The following F8 variants were observed in gnomAD, a reference collection of about 807,000 sequenced individuals.
F8 encodes the protein coagulation factor VIII, also known as antihemophilic factor.
A neutral mutation model predicts 140.6 loss-of-function variants in F8; 12 were observed. The observed-to-expected ratio is 0.09, with a 90% CI of 0.05 to 0.14. The LOEUF (loss-of-function observed/expected upper bound fraction) is 0.14. Ranked by LOEUF, F8 falls within the 10% of genes least tolerant of loss-of-function variation. The pLI is 1.00. For missense variants in F8, 1,354 were observed against 1,720.7 expected, an observed-to-expected ratio of 0.79 and a Z score of 3.77; for synonymous variants, 585 against 614.6, an observed-to-expected ratio of 0.95 and a Z score of 0.71.
At chrX:154,998,328 C>T (rs1177358447) in intron 2 of F8, among the ~76,000 whole-genome samples, 1 of 113,189 alleles carries the variant, frequency 8.8e-6, no homozygotes, top group Non-Finnish European at 1.9e-5. Context: ...CCTTCCTCTC[C>T]TAATCTTCCT....
intron 1 of F8, among the ~76,000 whole-genome samples, chrX:155,008,306 C>T (rs1335041399): frequency 3.6e-5 from 4 of 112,257 alleles, no homozygotes; most frequent in Admixed American, 9.3e-5. Flanking sequence ...CAATGAGCCA[C>T]GTGGGGAGTC....
At chrX:154,838,941 C>A (rs1336570942) in intron 25 of F8, among the ~76,000 whole-genome samples, 6 of 79,535 alleles carry the variant, frequency 7.5e-5, no homozygotes, top group Non-Finnish European at 1.2e-4. Context: ...ACCCCCCCAC[C>A]CCCCCAAGAG....
intron 1 of F8, among the ~76,000 whole-genome samples, chrX:155,003,999 G>A (rs2096362): frequency 0.33 from 33,405 of 100,368 alleles, 5,053 homozygotes; most frequent in African/African-American, 0.51. Context: ...ATGCAAACGA[G>A]CAAACAAATA....
chrX:154,908,212 ACT>A (rs1259719342), intron 14 of F8, among the ~76,000 whole-genome samples: 3 of 111,231 alleles, frequency 2.7e-5, no homozygotes, highest in Non-Finnish European at 3.8e-5. Flanking sequence ...TTTTATTGAA[ACT>A]CTACTTCTGT....
At chrX:154,933,309 C>T (rs957604823) in intron 13 of F8, among the ~76,000 whole-genome samples, 1 of 111,350 alleles carries the variant, frequency 9.0e-6, no homozygotes. Flanking sequence ...AATTGTAATT[C>T]CCTTGGAGAC....
intron 22 of F8, among the ~76,000 whole-genome samples, chrX:154,866,848 T>A (rs192182025): frequency 9.3e-6 from 1 of 107,060 alleles, no homozygotes; most frequent in African/African-American, 3.4e-5. Flanking sequence ...AGATAATAAA[T>A]GCTAGAGCAG....
chrX:154,844,665 T>C (rs2072549289), intron 25 of F8, among the ~76,000 whole-genome samples: 1 of 111,934 alleles, frequency 8.9e-6, no homozygotes, highest in Non-Finnish European at 1.9e-5. Context: ...TTGCTGAAGT[T>C]GCTTATCAGC....
chrX:154,980,556 A>G (rs2073512701), intron 6 of F8, among the ~76,000 whole-genome samples: 1 of 111,869 alleles, frequency 8.9e-6, no homozygotes. Context: ...GGCTATTCTT[A>G]TTCTTTGCAG....
Position 154,928,529 on chromosome X carries a change from T to C in F8, c.5219+42A>G, listed in dbSNP as rs782243113. On this transcript the variant is annotated intron_variant, in intron 14 of 25. Transcript: ENST00000360256. ...GGTGTCATCATCTGGTAAAGTCAAATGTCACAAGAGCAGAGCAAAGGAATA... is the reference window on the plus strand; with the variant it reads ...GGTGTCATCATCTGGTAAAGTCAAACGTCACAAGAGCAGAGCAAAGGAATA... 9.9e-6 allele frequency: 11 copies of C among 1,107,101 alleles called. No individual in the cohort carries two copies. The Admixed American group carries it at 2.2e-4, about 22-fold the overall frequency. The allele number at this position is 1,107,101 out of a possible 1,213,427, so 91.2% of individuals were successfully genotyped here.
intron 13 of F8, among the ~76,000 whole-genome samples, chrX:154,938,708 C>A (rs1557279405): frequency 9.1e-6 from 1 of 110,483 alleles, no homozygotes; most frequent in Non-Finnish European, 1.9e-5. Flanking sequence ...GTAAATCCAA[C>A]CAAGGACTTG....
intron 23 of F8, 89 bp from the exon 24 acceptor site, chrX:154,861,955 T>C: frequency 1.1e-6 from 1 of 948,226 alleles, no homozygotes. Flanking sequence ...CTAGGGCTAC[T>C]GTCATCATAA....
At chrX:154,975,907 A>AT (rs1156328226) in intron 6 of F8, among the ~76,000 whole-genome samples, 10 of 109,843 alleles carry the variant, frequency 9.1e-5, no homozygotes, top group Non-Finnish European at 1.9e-4. Flanking sequence ...TTGTTTGTCA[A>AT]TTTTTTTTTG....
At position 154,961,110 on chromosome X, in the gene F8, T is replaced by C. The variant is rs782724205; in HGVS notation, c.1502A>G (p.Asp501Gly). ...TCTCCTTGAATACAAAGGACGGACATCAGTGATTCCGTGAGGGTAGATGTT... is the reference window on the plus strand; with the variant it reads ...TCTCCTTGAATACAAAGGACGGACACCAGTGATTCCGTGAGGGTAGATGTT... The part of the protein sequence containing the change: ...PYNIYPHGIT[D>G]VRPLYSRRLP... The change falls in exon 10 of 26, where the codon GAT becomes GGT. Residue 501 changes from aspartate (D) to glycine (G), a missense_variant. Asp to Gly is a moderately conservative substitution (Grantham distance 94). Around this residue, in one of 4 missense-constraint regions of F8, gnomAD observed 252 missense variants for 338.5 expected, o/e 0.74. Coordinates refer to ENST00000360256, the MANE Select transcript of F8 (RefSeq NM_000132.4). 4.2e-6 allele frequency: 5 copies of C among 1,202,543 alleles called. No homozygotes were observed. The East Asian group carries it at 1.5e-4, about 36-fold the overall frequency.
At chrX:154,978,710 T>A (rs1417378722) in intron 6 of F8, among the ~76,000 whole-genome samples, 1 of 103,171 alleles carries the variant, frequency 9.7e-6, no homozygotes, top group East Asian at 2.8e-4. Flanking sequence ...ACATCTGGTG[T>A]AATAATCACT....
In F8 at chrX:154,954,240, A is replaced by C. The variant is rs894879246; in HGVS notation, c.1753-198T>G. Among the ~76,000 whole-genome samples, 6 of 111,582 alleles carry C rather than the reference A, an allele frequency of 5.4e-5. 1 individual carries two copies. The highest frequency in any genetic ancestry group is 9.5e-5 in the Admixed American group (1 of 10,528). On this transcript the variant is annotated intron_variant, in intron 11 of 25. Transcript: ENST00000360256. Reference sequence around the variant, plus strand: ...GAGCAGTGAGTATATGCTTACAACAAATGTGTCCCCAGGACAAGAGGGTGA... The same window carrying C: ...GAGCAGTGAGTATATGCTTACAACACATGTGTCCCCAGGACAAGAGGGTGA...
At chrX:154,998,885 A>C (rs1192896962) in intron 2 of F8, among the ~76,000 whole-genome samples, 4 of 111,341 alleles carry the variant, frequency 3.6e-5, no homozygotes, top group Non-Finnish European at 7.5e-5. Flanking sequence ...AGTGTCTCCC[A>C]AGTTCCATAG....
At chrX:154,844,700 A>G in intron 25 of F8, among the ~76,000 whole-genome samples, 1 of 111,732 alleles carries the variant, frequency 8.9e-6, no homozygotes, top group Non-Finnish European at 1.9e-5. Flanking sequence ...GGCTGAGACA[A>G]TGGTGTTTTC....
At chrX:154,965,531 T>C (rs1415109422) in intron 9 of F8, among the ~76,000 whole-genome samples, 2 of 111,617 alleles carry the variant, frequency 1.8e-5, no homozygotes, top group African/African-American at 6.5e-5. Context: ...ATCTAGCCTC[T>C]GTCACATATT....
Position 154,930,142 on chromosome X carries a change from T to A in F8, c.3648A>T (p.Glu1216Asp). The change falls in exon 14 of 26, where the codon GAA becomes GAT. Residue 1216 changes from glutamate to aspartate, a missense_variant. This residue lies in a region of F8 where 658 missense variants were observed against 666.5 expected (regional missense o/e 0.99). Transcript: ENST00000360256. ...GGATTAATGTTTCCTTCTTTTCTATTTCTTCCTGAATTTTTTTTTCTTGAT... is the reference window on the plus strand; with the variant it reads ...GGATTAATGTTTCCTTCTTTTCTATATCTTCCTGAATTTTTTTTTCTTGAT... Reference protein sequence around the residue: ...THNQEKKIQEEIEKKETLIQE... With the variant: ...THNQEKKIQEDIEKKETLIQE... 1 of 1,208,596 alleles carries A rather than the reference T, an allele frequency of 8.3e-7. No homozygotes were observed. Among genetic ancestry groups the A allele is most frequent in the Non-Finnish European group, 1.1e-6 (1 of 893,787 alleles).
Sources: gnomAD v4.1 joint callset for allele counts (sites outside exome capture counted in the v4.1 genomes callset) on GRCh38, gnomAD v4.1.1 for gene constraint, gnomAD v4.1.1 regional missense constraint, MANE v1.5 for transcripts, NCBI Gene and HGNC (gene_info 2026-07-23, HGNC 2026-07-21) for gene names.